Variants in HELZ observed in about 807,000 individuals in gnomAD.
HELZ encodes helicase with zinc finger.
In HELZ, 23 loss-of-function variants were observed where a neutral mutation model predicts 218.2. That is an observed-to-expected ratio of 0.11 (90% CI 0.08 to 0.15). The LOEUF (loss-of-function observed/expected upper bound fraction) is 0.15. Ranked by LOEUF, HELZ falls within the 10% of genes least tolerant of loss-of-function variation. The probability of loss-of-function intolerance (pLI) is 1.00; values close to 1 mark genes in which losing one functional copy is unlikely to be tolerated. For synonymous variants in HELZ, 814 were observed against 829.4 expected, an observed-to-expected ratio of 0.98 and a Z score of 0.32; for missense variants, 1,813 against 2,353.7, an observed-to-expected ratio of 0.77 and a Z score of 4.75.
chr17:67,245,407 T>C (rs2041457083), upstream of HELZ: 20 of 850,026 alleles, frequency 2.4e-5, no homozygotes, highest in Non-Finnish European at 2.8e-5. Context: ...AACGTGGCTT[T>C]GGGGTTTTCT....
At chr17:67,153,377 T>C (rs1411873941) in intron 17 of HELZ, among the ~76,000 whole-genome samples, 2 of 152,184 alleles carry the variant, frequency 1.3e-5, no homozygotes, top group East Asian at 3.8e-4. Context: ...TCAGATGCTC[T>C]ATCAAAGGGA....
intron 23 of HELZ, among the ~76,000 whole-genome samples, chr17:67,133,407 T>A (rs1358154789): frequency 6.6e-6 from 1 of 152,260 alleles, no homozygotes; most frequent in African/African-American, 2.4e-5. Flanking sequence ...CAATTCACAG[T>A]ATAATATGAT....
Position 67,138,120 on chromosome 17 carries a change from A to G in HELZ, c.2770-6T>C. On this transcript the variant is annotated splice_region_variant and splice_polypyrimidine_tract_variant and intron_variant, in intron 21 of 32. Coordinates refer to ENST00000358691, the MANE Select transcript of HELZ (RefSeq NM_014877.4). ...CGTTCCACCACTTCAAACACCTTTA[A>G]AAACAAACACACACATACATATTAA... 1 of 1,606,374 alleles carries G rather than the reference A, an allele frequency of 6.2e-7. No individual in the cohort carries two copies.
chr17:67,209,364 G>A (rs1476573151), intron 5 of HELZ, among the ~76,000 whole-genome samples: 3 of 152,152 alleles, frequency 2.0e-5, no homozygotes, highest in African/African-American at 4.8e-5. Flanking sequence ...TTGGGAGGCC[G>A]AGGTGGGTGG....
Position 67,178,379 on chromosome 17 carries a change from C to T in HELZ, c.1430+280G>A, listed in dbSNP as rs563809834. 5.3e-5 allele frequency among the ~76,000 whole-genome samples: 8 copies of T among 152,202 alleles called. No individual in the cohort carries two copies. In the East Asian group the frequency reaches 9.6e-4, roughly 18 times the overall value. On this transcript the variant is annotated intron_variant, in intron 13 of 32. Transcript: ENST00000358691. ...GAAAGCTTCTTAAGAGCAGGAACCA[C>T]GGATTTATACTCCCGGCATCTGGCA...
chr17:67,232,052 CAAAAAAA>C (rs754429326), intron 3 of HELZ, among the ~76,000 whole-genome samples: 88 of 42,478 alleles, frequency 2.1e-3, no homozygotes, highest in African/African-American at 4.9e-3. Flanking sequence ...GACTCCATCT[CAAAAAAA>C]AAAAAAAAAA....
At chr17:67,128,172 A>G (rs143738665) in intron 24 of HELZ, among the ~76,000 whole-genome samples, 1,665 of 152,334 alleles carry the variant, frequency 0.011, 19 homozygotes, top group South Asian at 0.018. Flanking sequence ...GTCATCTTCA[A>G]GAAGTCAGCC....
At position 67,074,546 on chromosome 17, in the gene HELZ, A is replaced by C. The variant is rs1011270695; in HGVS notation, c.*3706T>G. The C allele has an allele frequency of 1.3e-5, 2 of 152,172 alleles. No homozygotes were observed. The highest frequency in any genetic ancestry group is 2.9e-5 in the Non-Finnish European group (2 of 67,982). 9.4% of individuals were successfully genotyped at this position (152,172 alleles called of 1,614,324 possible). On this transcript the variant is annotated 3_prime_UTR_variant, in exon 33 of 33. Coordinates refer to ENST00000358691, the MANE Select transcript of HELZ (RefSeq NM_014877.4). ...CGCTCTAGCTAAGGGGGCTAGAGAAACATCTTTTACGTCTGCAGCTTTGCT... is the reference window on the plus strand; with the variant it reads ...CGCTCTAGCTAAGGGGGCTAGAGAACCATCTTTTACGTCTGCAGCTTTGCT...
At chr17:67,198,775 T>C (rs1481098882) in intron 7 of HELZ, among the ~76,000 whole-genome samples, 1 of 152,246 alleles carries the variant, frequency 6.6e-6, no homozygotes, top group Non-Finnish European at 1.5e-5. Flanking sequence ...AAATGTGTCA[T>C]GTGCAATAAT....
In HELZ at chr17:67,103,535, A is replaced by G. The variant is rs377307903; in HGVS notation, c.5241+3634T>C. Among the ~76,000 whole-genome samples the G allele has an allele frequency of 3.5e-4, 53 of 152,350 alleles. 1 individual carries two copies. In the South Asian group the frequency reaches 0.01, roughly 30 times the overall value. On this transcript the variant is annotated intron_variant, in intron 31 of 32. Coordinates refer to ENST00000358691, the MANE Select transcript of HELZ (RefSeq NM_014877.4). ...AAAATGCTTAGGAATAAATTTAACA[A>G]AAGAAGTGCAAGACTTATACTTGGA...
At chr17:67,164,638 CATAAAG>C (rs143292668) in intron 15 of HELZ, among the ~76,000 whole-genome samples, 7,655 of 151,978 alleles carry the variant, frequency 0.05, 652 homozygotes, top group African/African-American at 0.18. Flanking sequence ...AAAAGAATAA[CATAAAG>C]ATAAGGAGGC....
At chr17:67,140,379 G>A (rs1021855679) in intron 21 of HELZ, among the ~76,000 whole-genome samples, 1 of 152,128 alleles carries the variant, frequency 6.6e-6, no homozygotes, top group African/African-American at 2.4e-5. Flanking sequence ...AGAGACCTAC[G>A]GCAGCTGGAT....
At chr17:67,147,872 G>A (rs2038552695) in intron 20 of HELZ, among the ~76,000 whole-genome samples, 1 of 152,226 alleles carries the variant, frequency 6.6e-6, no homozygotes. Context: ...CTAGAAAGCT[G>A]AACACGTGGA....
intron 17 of HELZ, among the ~76,000 whole-genome samples, chr17:67,153,813 A>G (rs1056552756): frequency 6.6e-6 from 1 of 152,276 alleles, no homozygotes; most frequent in Non-Finnish European, 1.5e-5. Flanking sequence ...ATTATTTAAA[A>G]GGTATGTTGT....
intron 7 of HELZ, among the ~76,000 whole-genome samples, chr17:67,196,608 G>GGATGGGAA (rs2040037620): frequency 1.3e-5 from 2 of 150,392 alleles, no homozygotes; most frequent in African/African-American, 4.9e-5. Flanking sequence ...ATGGATGGGT[G>GGATGGGAA]CATGGGTGGG....
At chr17:67,226,776 T>A (rs1198019922) in intron 3 of HELZ, among the ~76,000 whole-genome samples, 4 of 152,154 alleles carry the variant, frequency 2.6e-5, no homozygotes, top group Non-Finnish European at 5.9e-5. Flanking sequence ...TAAACAGACC[T>A]CTTTGTGATA....
At chr17:67,212,263 C>T (rs1325743807) in intron 5 of HELZ, among the ~76,000 whole-genome samples, 5 of 133,168 alleles carry the variant, frequency 3.8e-5, no homozygotes, top group Admixed American at 3.5e-4. Flanking sequence ...TGCAGTGAGC[C>T]GAGATCGCAC....
At chr17:67,135,406 G>C (rs2038118811) in intron 23 of HELZ, among the ~76,000 whole-genome samples, 1 of 152,132 alleles carries the variant, frequency 6.6e-6, no homozygotes, top group Non-Finnish European at 1.5e-5. Flanking sequence ...CAGGACCCCT[G>C]CTCTAGTTGT....
At chr17:67,216,022 T>C in intron 4 of HELZ, 87 bp from the exon 5 acceptor site, 1 of 795,816 alleles carries the variant, frequency 1.3e-6, no homozygotes, top group Non-Finnish European at 2.2e-6. Flanking sequence ...TGGCTTTGTT[T>C]CAAAGTTTAA....
Sources: gnomAD v4.1 joint callset for allele counts (sites outside exome capture counted in the v4.1 genomes callset) on GRCh38, gnomAD v4.1.1 for gene constraint, MANE v1.5 for transcripts, NCBI Gene and HGNC (gene_info 2026-07-23, HGNC 2026-07-21) for gene names.